The following TLE1 variants were observed in gnomAD, a reference collection of about 807,000 sequenced individuals.
The protein encoded by TLE1 is TLE family member 1, transcriptional corepressor.
TLE1 carries 21 observed loss-of-function variants against 89.8 expected under a neutral mutation model. The observed-to-expected ratio is 0.23, with a 90% CI of 0.17 to 0.34. The LOEUF is 0.34. Among genes scored for constraint, TLE1 ranks in the 10% least tolerant of loss-of-function variants. The probability of loss-of-function intolerance (pLI) is 1.00; values close to 1 mark genes in which losing one functional copy is unlikely to be tolerated. For missense variants in TLE1, 795 were observed against 1,031.2 expected, an observed-to-expected ratio of 0.77 and a Z score of 3.14; for synonymous variants, 447 against 407.6, an observed-to-expected ratio of 1.10 and a Z score of -1.16.
intron 14 of TLE1, among the ~76,000 whole-genome samples, chr9:81,600,914 T>C (rs1223194166): frequency 6.6e-6 from 1 of 152,174 alleles, no homozygotes; most frequent in Non-Finnish European, 1.5e-5. Context: ...TGCTCTCGAT[T>C]ATCAGTGCTA....
In TLE1 at chr9:81,593,315, T is replaced by TA. The variant is rs558946556; in HGVS notation, c.1332-42dup. 5.4e-4 allele frequency: 844 copies of TA among 1,569,688 alleles called. 4 individuals are homozygous for TA. Among genetic ancestry groups the TA allele is most frequent in the South Asian group, 5.3e-3 (463 of 86,614 alleles). On this transcript the variant is annotated intron_variant, in intron 14 of 19. Coordinates refer to ENST00000376499, the MANE Select transcript of TLE1 (RefSeq NM_005077.5). ...TTGGAGAGAAGACAGAAAACACATTTACAGAGGAAGCAATCCCTATCTCGG... is the reference window on the plus strand; with the variant it reads ...TTGGAGAGAAGACAGAAAACACATTTAACAGAGGAAGCAATCCCTATCTCGG...
At chr9:81,685,446 G>C (rs1201262596) in intron 4 of TLE1, among the ~76,000 whole-genome samples, 1 of 152,144 alleles carries the variant, frequency 6.6e-6, no homozygotes, top group Non-Finnish European at 1.5e-5. Flanking sequence ...AAAGAGGCTA[G>C]TTTATATTTC....
chr9:81,590,595 A>T (rs886695586), intron 16 of TLE1, among the ~76,000 whole-genome samples: 2 of 152,248 alleles, frequency 1.3e-5, no homozygotes, highest in Non-Finnish European at 2.9e-5. Context: ...AAGGAGATAG[A>T]AAGTCTCGGG....
chr9:81,684,302 A>G (rs763239835), intron 4 of TLE1, among the ~76,000 whole-genome samples: 6 of 152,168 alleles, frequency 3.9e-5, no homozygotes, highest in Non-Finnish European at 8.8e-5. Context: ...AAACACACAA[A>G]AACAAAGGCA....
intron 6 of TLE1, among the ~76,000 whole-genome samples, chr9:81,649,083 AGTC>A (rs1318874677): frequency 6.6e-6 from 1 of 152,232 alleles, no homozygotes; most frequent in African/African-American, 2.4e-5. Flanking sequence ...TTATTCTGCC[AGTC>A]ATCAAATTTG....
chr9:81,662,566 T>TGC (rs1830952444), intron 4 of TLE1, among the ~76,000 whole-genome samples: 1 of 151,672 alleles, frequency 6.6e-6, no homozygotes, highest in Non-Finnish European at 1.5e-5. Flanking sequence ...GGCATGGTGA[T>TGC]GCATGCCTGT....
intron 4 of TLE1, among the ~76,000 whole-genome samples, chr9:81,661,163 CATAT>C (rs1377629182): frequency 7.2e-6 from 1 of 139,196 alleles, no homozygotes; most frequent in Non-Finnish European, 1.5e-5. Context: ...ATAAAAAATA[CATAT>C]ATATTTATAT....
intron 4 of TLE1, among the ~76,000 whole-genome samples, chr9:81,660,973 ACAC>A (rs1398346605): frequency 3.6e-5 from 4 of 110,100 alleles, no homozygotes; most frequent in East Asian, 4.9e-4. Context: ...ACACACACAC[ACAC>A]ACATTTAGCC....
intron 4 of TLE1, among the ~76,000 whole-genome samples, chr9:81,666,008 G>A (rs975025414): frequency 2.0e-5 from 3 of 152,062 alleles, no homozygotes; most frequent in Admixed American, 1.3e-4. Context: ...GAGCATTTGG[G>A]CTTTAATTTG....
chr9:81,626,753 T>C (rs1054997967), intron 8 of TLE1, among the ~76,000 whole-genome samples: 1 of 152,110 alleles, frequency 6.6e-6, no homozygotes, highest in African/African-American at 2.4e-5. Flanking sequence ...ACAGGGCCGG[T>C]TAATGTTGAG....
intron 6 of TLE1, among the ~76,000 whole-genome samples, chr9:81,651,227 C>T (rs532820353): frequency 6.6e-6 from 1 of 152,328 alleles, no homozygotes; most frequent in South Asian, 2.1e-4. Context: ...TTTGAATCTG[C>T]TCAAGGCACT....
At chr9:81,671,085 T>G (rs551681535) in intron 4 of TLE1, among the ~76,000 whole-genome samples, 1 of 152,054 alleles carries the variant, frequency 6.6e-6, no homozygotes, top group South Asian at 2.1e-4. Flanking sequence ...GGAGAATAGC[T>G]TGAACCTGGG....
rs1834755742 is a variant in TLE1 at position 81,689,480 on chromosome 9, C to G, written c.-1240G>C. Reference sequence around the variant, plus strand: ...CACAGAGTACCCGCCGCTGTTTCTGCTGCTGCTGCTTCTGCAGCCGCCGCT... The same window carrying G: ...CACAGAGTACCCGCCGCTGTTTCTGGTGCTGCTGCTTCTGCAGCCGCCGCT... On this transcript the variant is annotated 5_prime_UTR_variant, in exon 1 of 20. Transcript: ENST00000376499. Among the ~76,000 whole-genome samples, 1 of 152,150 alleles carries G rather than the reference C, an allele frequency of 6.6e-6. No homozygotes were observed. The highest frequency in any genetic ancestry group is 1.5e-5 in the Non-Finnish European group (1 of 68,004).
chr9:81,597,071 G>A lies in TLE1; in HGVS notation c.1332-3797C>T, dbSNP rs150473446. 4.5e-4 allele frequency among the ~76,000 whole-genome samples: 68 copies of A among 152,264 alleles called. No homozygotes were observed. The East Asian group carries it at 0.01, about 23-fold the overall frequency. On this transcript the variant is annotated intron_variant, in intron 14 of 19. Transcript: ENST00000376499. The stretch of plus-strand genomic sequence containing the variant: ...AACCTCTCTCTGGTTCTCTGGCTAC[G>A]TCAACTGCGGTCTTGCCAATCAGCC...
chr9:81,679,689 A>T (rs758390548), intron 4 of TLE1, among the ~76,000 whole-genome samples: 1 of 152,160 alleles, frequency 6.6e-6, no homozygotes, highest in Non-Finnish European at 1.5e-5. Flanking sequence ...AAAAACCACT[A>T]TACTAAATAC....
chr9:81,599,246 C>T lies in TLE1; in HGVS notation c.1332-5972G>A, dbSNP rs182433013. On this transcript the variant is annotated intron_variant, in intron 14 of 19. Coordinates refer to ENST00000376499, the MANE Select transcript of TLE1 (RefSeq NM_005077.5). ...CACAGGATAGGCTAAGTAACTCGCCCATAACCACGGCTAGTAAGCGGTAGA... is the reference window on the plus strand; with the variant it reads ...CACAGGATAGGCTAAGTAACTCGCCTATAACCACGGCTAGTAAGCGGTAGA... Among the ~76,000 whole-genome samples, 240 of 152,258 alleles carry T rather than the reference C, an allele frequency of 1.6e-3. 1 individual carries two copies. The highest frequency in any genetic ancestry group is 5.4e-3 in the African/African-American group (224 of 41,544).
chr9:81,615,229 T>G (rs1183180764), intron 11 of TLE1, among the ~76,000 whole-genome samples: 1 of 145,534 alleles, frequency 6.9e-6, no homozygotes, highest in African/African-American at 2.6e-5. Context: ...CTGGGGAGGC[T>G]GAGGCAGGAG....
chr9:81,645,868 T>C (rs1828797134), intron 6 of TLE1, among the ~76,000 whole-genome samples: 1 of 152,248 alleles, frequency 6.6e-6, no homozygotes, highest in African/African-American at 2.4e-5. Context: ...CTCATAAATA[T>C]ATACACCTAG....
intron 6 of TLE1, among the ~76,000 whole-genome samples, chr9:81,644,042 A>G (rs1163764825): frequency 2.0e-5 from 3 of 152,228 alleles, no homozygotes; most frequent in South Asian, 2.1e-4. Flanking sequence ...CAAAAACGGG[A>G]GATGCGGCCT....
Sources: allele counts gnomAD v4.1 joint callset (sites outside exome capture counted in the v4.1 genomes callset), GRCh38; gene constraint gnomAD v4.1.1; transcripts MANE v1.5; gene names NCBI Gene and HGNC (gene_info 2026-07-23, HGNC 2026-07-21).